Variants in NEDD9 observed in about 807,000 individuals in gnomAD.
NEDD9 encodes neural precursor cell expressed, developmentally down-regulated 9.
In NEDD9, 26 loss-of-function variants were observed where a neutral mutation model predicts 76.6. That is an observed-to-expected ratio of 0.34 (90% CI 0.25 to 0.47). NEDD9 has a LOEUF of 0.47. NEDD9 is among the 20% of genes least tolerant of loss of function. The probability of loss-of-function intolerance (pLI) is 1.00; values close to 1 mark genes in which losing one functional copy is unlikely to be tolerated. For synonymous variants in NEDD9, 392 were observed against 414.2 expected, an observed-to-expected ratio of 0.95 and a Z score of 0.65; for missense variants, 937 against 1,058.5, an observed-to-expected ratio of 0.89 and a Z score of 1.59.
chr6:11,251,941 T>G (rs918900118), intron 3 of NEDD9, among the ~76,000 whole-genome samples: 64 of 151,688 alleles, frequency 4.2e-4, no homozygotes, highest in South Asian at 8.3e-4. Flanking sequence ...TATGTGTGTG[T>G]GGGGGGGGAT....
In NEDD9 at chr6:11,184,979, A is replaced by G. The variant is rs369140781; in HGVS notation, c.*183T>C. 1 of 754,404 alleles carries G rather than the reference A, an allele frequency of 1.3e-6. No homozygotes were observed. The highest frequency in any genetic ancestry group is 2.0e-6 in the Non-Finnish European group (1 of 496,778). The allele number at this position is 754,404 out of a possible 1,614,324, so 46.7% of individuals were successfully genotyped here. A position where few individuals can be genotyped will look rare whatever the true frequency, so the allele number is the denominator to read the frequency against. On this transcript the variant is annotated 3_prime_UTR_variant, in exon 7 of 7. Coordinates refer to ENST00000379446, the MANE Select transcript of NEDD9 (RefSeq NM_006403.4). ...TATACATAAGAACCACTCAGGGGGA[A>G]AAAAAAAGATTTCCCTCTCCAGCTC...
At chr6:11,219,133 T>C (rs963141667) in intron 1 of NEDD9, among the ~76,000 whole-genome samples, 2 of 152,174 alleles carry the variant, frequency 1.3e-5, no homozygotes, top group Admixed American at 6.5e-5. Flanking sequence ...ACCAGAACGC[T>C]GGTACAGAGA....
At chr6:11,272,145 A>T (rs972015160) in intron 3 of NEDD9, among the ~76,000 whole-genome samples, 1 of 151,978 alleles carries the variant, frequency 6.6e-6, no homozygotes, top group Admixed American at 6.6e-5. Context: ...GAGCCTGGGG[A>T]CTTGGTTTAC....
chr6:11,228,257 G>C (rs7765644), intron 1 of NEDD9, among the ~76,000 whole-genome samples: 2,601 of 152,270 alleles, frequency 0.017, 63 homozygotes, highest in African/African-American at 0.06. Context: ...AAGGCCGGGT[G>C]CGGTGGCTCA....
intron 1 of NEDD9, among the ~76,000 whole-genome samples, chr6:11,335,002 T>C (rs1762124510): frequency 2.6e-5 from 4 of 152,202 alleles, no homozygotes; most frequent in Admixed American, 2.6e-4. Context: ...GCTGATCCTC[T>C]TACAACTACA....
At chr6:11,264,861 G>GTTTGTTTTT (rs1281122482) in intron 3 of NEDD9, among the ~76,000 whole-genome samples, 1 of 145,296 alleles carries the variant, frequency 6.9e-6, no homozygotes, top group Non-Finnish European at 1.5e-5. Context: ...TTTTCTGTTT[G>GTTTGTTTTT]TTTGTTTGTT....
At chr6:11,236,249 T>C (rs1759597079), upstream of NEDD9, among the ~76,000 whole-genome samples, 1 of 152,192 alleles carries the variant, frequency 6.6e-6, no homozygotes. This position sits in a 1 kb window ranked among gnomAD's most constrained non-coding sequence, Gnocchi z 5.5. Context: ...TTCCACTTCC[T>C]GCACTTGCCA....
rs1021345935 is a variant in NEDD9 at position 11,243,328 on chromosome 6, C to T, written c.13-29601G>A. ...ATGAAAAAGACTGGCAAAATACAAGCCTTGATGATGATGATGATGATCATG... is the reference window on the plus strand; with the variant it reads ...ATGAAAAAGACTGGCAAAATACAAGTCTTGATGATGATGATGATGATCATG... On this transcript the variant is annotated intron_variant, in intron 3 of 3. Coordinates refer to the NEDD9 transcript ENST00000397378. Among the ~76,000 whole-genome samples, 31 of 152,146 alleles carry T rather than the reference C, an allele frequency of 2.0e-4. 1 individual carries two copies. Among genetic ancestry groups the T allele is most frequent in the Admixed American group, 1.9e-3 (29 of 15,264 alleles).
intron 3 of NEDD9, among the ~76,000 whole-genome samples, chr6:11,288,337 C>A (rs1760693833): frequency 6.6e-6 from 1 of 152,168 alleles, no homozygotes; most frequent in Non-Finnish European, 1.5e-5. Context: ...AGGGTGGAGT[C>A]AGCACACCAC....
At chr6:11,273,842 G>A (rs1760363172) in intron 3 of NEDD9, among the ~76,000 whole-genome samples, 1 of 152,060 alleles carries the variant, frequency 6.6e-6, no homozygotes, top group Non-Finnish European at 1.5e-5. Flanking sequence ...CGACTATGGG[G>A]GTGGACAGGT....
intron 3 of NEDD9, chr6:11,305,897 A>C: frequency 1.4e-6 from 2 of 1,453,244 alleles, no homozygotes; most frequent in Non-Finnish European, 1.9e-6. Flanking sequence ...TATGACAAAA[A>C]AACATGATTT....
intron 3 of NEDD9, among the ~76,000 whole-genome samples, chr6:11,257,776 T>TGTGC (rs1760033433): frequency 5.5e-5 from 1 of 18,310 alleles, no homozygotes; most frequent in Non-Finnish European, 9.5e-5. Flanking sequence ...ATGTAGATTC[T>TGTGC]GTGTGTGTGT....
intron 1 of NEDD9, among the ~76,000 whole-genome samples, chr6:11,355,770 G>C (rs929688505): frequency 1.3e-5 from 2 of 151,844 alleles, no homozygotes; most frequent in South Asian, 4.2e-4. Flanking sequence ...GCCCAGGCTG[G>C]AGGGCAGTGG....
chr6:11,200,170 C>G, intron 2 of NEDD9: 1 of 362,514 alleles, frequency 2.8e-6, no homozygotes. Context: ...GAACATTGGA[C>G]TATAGGGCTC....
intron 3 of NEDD9, among the ~76,000 whole-genome samples, chr6:11,259,351 C>T (rs985072779): frequency 6.6e-6 from 1 of 152,186 alleles, no homozygotes; most frequent in Non-Finnish European, 1.5e-5. Context: ...GTTTTTAACA[C>T]AGCAAATGAT....
chr6:11,323,079 C>T (rs533771503), intron 2 of NEDD9, among the ~76,000 whole-genome samples: 10 of 152,280 alleles, frequency 6.6e-5, no homozygotes, highest in African/African-American at 2.4e-4. Context: ...AAACATATGA[C>T]AAGGCTGGCA....
chr6:11,215,942 C>T lies in NEDD9; in HGVS notation c.13-2215G>A, dbSNP rs540131751. On this transcript the variant is annotated intron_variant, in intron 1 of 6. Coordinates refer to ENST00000379446, the MANE Select transcript of NEDD9 (RefSeq NM_006403.4). ...ACCATGAGGCACTGAAGTGGAGCAC[C>T]GGAGCATGCTTGATCAGAGGCAGAT... is the stretch of plus-strand genomic sequence containing the variant. Among the ~76,000 whole-genome samples the T allele has an allele frequency of 7.9e-5, 12 of 152,210 alleles. No individual in the cohort carries two copies. In the South Asian group the frequency reaches 1.4e-3, roughly 18 times the overall value.
chr6:11,220,313 A>AC (rs917377566), intron 1 of NEDD9, among the ~76,000 whole-genome samples: 6 of 150,366 alleles, frequency 4.0e-5, no homozygotes, highest in South Asian at 2.1e-4. Flanking sequence ...AGTATCTTGG[A>AC]CCCCCCCGCC....
At chr6:11,265,492 AC>A (rs1250930306) in intron 3 of NEDD9, among the ~76,000 whole-genome samples, 1 of 152,232 alleles carries the variant, frequency 6.6e-6, no homozygotes, top group African/African-American at 2.4e-5. Flanking sequence ...GGATGGAAGC[AC>A]TTTTCTCTAT....
Sources: gnomAD v4.1 joint callset for allele counts (sites outside exome capture counted in the v4.1 genomes callset) on GRCh38, gnomAD v4.1.1 for gene constraint, Gnocchi (gnomAD v3.1) non-coding constraint, MANE v1.5 for transcripts, NCBI Gene and HGNC (gene_info 2026-07-23, HGNC 2026-07-21) for gene names.